Variants in DCDC1 observed in about 807,000 individuals in gnomAD.
DCDC1 encodes the protein doublecortin domain containing 1, also known as doublecortin domain-containing protein 1.
Under a neutral mutation model 178.3 loss-of-function variants are expected in DCDC1, and 200 were observed. The observed-to-expected ratio is 1.12, with a 90% confidence interval of 1.00 to 1.26. The LOEUF is 1.26. Ranked by LOEUF, DCDC1 falls within the 50% of genes most tolerant of loss-of-function variation. The pLI is 0.00. For synonymous variants in DCDC1, 690 were observed against 604.8 expected (o/e 1.14, Z -2.07); for missense variants, 1,983 against 1,749.2 (o/e 1.13, Z -2.38).
At chr11:31,297,082 C>T (rs1249512367) in intron 6 of DCDC1, among the ~76,000 whole-genome samples, 1 of 152,108 alleles carries the variant, frequency 6.6e-6, no homozygotes, top group Non-Finnish European at 1.5e-5. Context: ...GGCTGACAGC[C>T]AGGGTAAGCA....
At chr11:31,358,125 G>A (rs1185103756) in intron 1 of DCDC1, among the ~76,000 whole-genome samples, 29 of 150,208 alleles carry the variant, frequency 1.9e-4, no homozygotes, top group South Asian at 8.5e-4. Flanking sequence ...AGCCCGCATC[G>A]CCAAGTCAAT....
chr11:31,103,820 G>A (rs1958667804), intron 13 of DCDC1, 51 bp from the exon 14 acceptor site: 1 of 743,480 alleles, frequency 1.3e-6, no homozygotes, highest in Non-Finnish European at 2.4e-6. Context: ...GACATACATT[G>A]TAATTTGAGC....
chr11:31,144,851 T>C (rs1964266553), intron 9 of DCDC1, among the ~76,000 whole-genome samples: 1 of 152,150 alleles, frequency 6.6e-6, no homozygotes, highest in Non-Finnish European at 1.5e-5. Flanking sequence ...TTTCTCAGTA[T>C]ATTGTTGCTT....
intron 20 of DCDC1, among the ~76,000 whole-genome samples, chr11:30,968,922 C>T (rs1157669705): frequency 6.6e-6 from 1 of 151,474 alleles, no homozygotes; most frequent in Non-Finnish European, 1.5e-5. Context: ...AATTCCTTTA[C>T]TTCTAAGTAA....
chr11:31,121,059 G>GTA (rs1960723767), intron 11 of DCDC1, among the ~76,000 whole-genome samples: 1 of 152,120 alleles, frequency 6.6e-6, no homozygotes, highest in Non-Finnish European at 1.5e-5. Flanking sequence ...GTTTAGAATA[G>GTA]TAAGAAATTG....
chr11:30,913,516 C>T (rs528993947), intron 27 of DCDC1, among the ~76,000 whole-genome samples: 12 of 152,332 alleles, frequency 7.9e-5, no homozygotes, highest in African/African-American at 2.9e-4. Flanking sequence ...TGATGCTCCA[C>T]CTCTTCTCTC....
At chr11:31,189,502 T>C (rs183797206) in intron 9 of DCDC1, among the ~76,000 whole-genome samples, 54 of 152,324 alleles carry the variant, frequency 3.5e-4, no homozygotes, top group Admixed American at 6.5e-4. Context: ...ATCTCAAAGT[T>C]AGTGGCTCAA....
At chr11:31,163,884 T>A (rs1422761607) in intron 9 of DCDC1, among the ~76,000 whole-genome samples, 1 of 152,194 alleles carries the variant, frequency 6.6e-6, no homozygotes, top group African/African-American at 2.4e-5. Context: ...TTTTTTAGCT[T>A]TCCTATTTGT....
intron 9 of DCDC1, among the ~76,000 whole-genome samples, chr11:31,204,728 A>C (rs1293464533): frequency 6.6e-6 from 1 of 152,212 alleles, no homozygotes; most frequent in Non-Finnish European, 1.5e-5. Flanking sequence ...AGGCTGAGGC[A>C]GGAGAATCGC....
At chr11:31,300,141 C>G (rs948913688) in intron 6 of DCDC1, among the ~76,000 whole-genome samples, 1 of 152,142 alleles carries the variant, frequency 6.6e-6, no homozygotes, top group South Asian at 2.1e-4. Context: ...CAGGCGAGAG[C>G]CACCACACCT....
chr11:30,920,261 C>T (rs1429717350), intron 25 of DCDC1, among the ~76,000 whole-genome samples: 1 of 152,134 alleles, frequency 6.6e-6, no homozygotes, highest in Non-Finnish European at 1.5e-5. Flanking sequence ...ATAGGTTTTT[C>T]TGTCTGCAAT....
At chr11:30,925,538 G>A (rs932624290) in intron 22 of DCDC1, 130 bp from the exon 23 acceptor site, 10 of 767,948 alleles carry the variant, frequency 1.3e-5, no homozygotes, top group Non-Finnish European at 2.1e-5. Context: ...GTCATGAGCT[G>A]GACTCTGGGG....
chr11:30,925,955 A>G (rs1234161928), intron 22 of DCDC1, among the ~76,000 whole-genome samples: 1 of 152,110 alleles, frequency 6.6e-6, no homozygotes, highest in African/African-American at 2.4e-5. Flanking sequence ...TAAACACTGA[A>G]CACTGATTTC....
chr11:31,248,388 C>T (rs1295754606), intron 8 of DCDC1, among the ~76,000 whole-genome samples: 1 of 151,946 alleles, frequency 6.6e-6, no homozygotes, highest in Non-Finnish European at 1.5e-5. Context: ...CATTCAAAAG[C>T]AAGCTAATTA....
At chr11:31,324,132 A>G (rs143074273) in intron 3 of DCDC1, among the ~76,000 whole-genome samples, 4 of 152,250 alleles carry the variant, frequency 2.6e-5, no homozygotes, top group African/African-American at 9.6e-5. Context: ...ATTGAATAAT[A>G]ACCAAAACGT....
intron 8 of DCDC1, among the ~76,000 whole-genome samples, chr11:31,252,849 G>T (rs1313135889): frequency 6.6e-6 from 1 of 151,980 alleles, no homozygotes; most frequent in Admixed American, 6.6e-5. Flanking sequence ...TGTCAGAAAT[G>T]GAACAAGCAG....
intron 37 of DCDC1, among the ~76,000 whole-genome samples, chr11:30,880,186 C>G (rs1942525233): frequency 6.6e-6 from 1 of 151,984 alleles, no homozygotes. Flanking sequence ...TGAGGGTCAC[C>G]AAGAGCCAGG....
intron 34 of DCDC1, among the ~76,000 whole-genome samples, chr11:30,896,045 G>C (rs117704651): frequency 6.6e-6 from 1 of 151,960 alleles, no homozygotes; most frequent in Non-Finnish European, 1.5e-5. Flanking sequence ...TGCTTCTAAC[G>C]GTCTTAAGAA....
chr11:31,208,906 G>A (rs1015761578), intron 9 of DCDC1, among the ~76,000 whole-genome samples: 2 of 152,158 alleles, frequency 1.3e-5, no homozygotes, highest in African/African-American at 4.8e-5. Flanking sequence ...CCTATTTCAT[G>A]TTCTTGATAG....
Sources: gnomAD v4.1 joint callset for allele counts (sites outside exome capture counted in the v4.1 genomes callset) on GRCh38, gnomAD v4.1.1 for gene constraint, MANE v1.5 for transcripts, NCBI Gene and HGNC (gene_info 2026-07-23, HGNC 2026-07-21) for gene names.